The following DPP6 variants were observed in gnomAD, a reference collection of about 807,000 sequenced individuals.
DPP6 encodes A-type potassium channel modulatory protein DPP6.
A neutral mutation model predicts 122.6 loss-of-function variants in DPP6; 69 were observed. The observed-to-expected ratio is 0.56, with a 90% CI of 0.46 to 0.69. DPP6 has a LOEUF of 0.69. Ranked by LOEUF, DPP6 falls within the 30% of genes least tolerant of loss-of-function variation. The probability of loss-of-function intolerance (pLI) is 0.00; values close to 1 mark genes in which losing one functional copy is unlikely to be tolerated. For missense variants in DPP6, 928 were observed against 1,116.9 expected (o/e 0.83, Z 2.41); for synonymous variants, 418 against 433.1 (o/e 0.97, Z 0.43).
At chr7:153,964,844 CCTTTTCCTTTTCCCTTT>C in intron 1 of DPP6, among the ~76,000 whole-genome samples, 1 of 125,360 alleles carries the variant, frequency 8.0e-6, no homozygotes, top group African/African-American at 4.2e-5. Flanking sequence ...TTTTCCTTTT[CCTTTTCCTTTTCCCTTT>C]CCTTTCCTTT....
At chr7:153,874,742 C>T in the DPP6 span, among the ~76,000 whole-genome samples, 4 of 151,992 alleles carry the variant, frequency 2.6e-5, no homozygotes, top group African/African-American at 9.7e-5. Context: ...AGAATGGAAA[C>T]AAAATAAGAT....
At chr7:154,037,400 T>G (rs1370669212) in intron 1 of DPP6, among the ~76,000 whole-genome samples, 1 of 151,532 alleles carries the variant, frequency 6.6e-6, no homozygotes, top group Non-Finnish European at 1.5e-5. Flanking sequence ...GTCACATGTA[T>G]TTTTCAGGGG....
intron 1 of DPP6, among the ~76,000 whole-genome samples, chr7:154,437,105 T>C (rs1586267818): frequency 6.6e-6 from 1 of 152,176 alleles, no homozygotes; most frequent in South Asian, 2.1e-4. Context: ...CCTGTGACTA[T>C]GTTAGCTTCC....
intron 1 of DPP6, among the ~76,000 whole-genome samples, chr7:153,972,311 G>C (rs1313700079): frequency 6.6e-6 from 1 of 151,150 alleles, no homozygotes; most frequent in African/African-American, 2.4e-5. Context: ...CCTGGGGAGT[G>C]TCTAGGAAAA....
At chr7:154,220,067 C>T (rs369741438) in intron 1 of DPP6, among the ~76,000 whole-genome samples, 21 of 152,296 alleles carry the variant, frequency 1.4e-4, no homozygotes, top group Admixed American at 5.9e-4. Flanking sequence ...TTCCAAAATC[C>T]GGTTTGCTAG....
chr7:154,158,612 T>C (rs56731440), intron 1 of DPP6, among the ~76,000 whole-genome samples: 5,892 of 152,070 alleles, frequency 0.039, 444 homozygotes, highest in African/African-American at 0.13. Flanking sequence ...ATTCATTTAG[T>C]CTCTGTCTTT....
intron 22 of DPP6, among the ~76,000 whole-genome samples, chr7:154,887,364 G>T (rs1806233819): frequency 6.6e-6 from 1 of 152,194 alleles, no homozygotes; most frequent in Admixed American, 6.5e-5. Flanking sequence ...TGAAGGAGGA[G>T]GTTATCCTAC....
intron 7 of DPP6, among the ~76,000 whole-genome samples, chr7:154,711,095 A>T (rs1174971653): frequency 6.6e-6 from 1 of 152,256 alleles, no homozygotes; most frequent in Non-Finnish European, 1.5e-5. Context: ...TACTATGTGG[A>T]TATGTCCTTG....
intron 2 of DPP6, among the ~76,000 whole-genome samples, chr7:154,450,511 AC>A (rs774117798): frequency 3.9e-5 from 6 of 152,068 alleles, no homozygotes; most frequent in Non-Finnish European, 8.8e-5. Context: ...AAAGTGCCAG[AC>A]ATACTAAATT....
chr7:154,393,064 C>T (rs1468629596), intron 1 of DPP6, among the ~76,000 whole-genome samples: 1 of 152,180 alleles, frequency 6.6e-6, no homozygotes, highest in Non-Finnish European at 1.5e-5. Context: ...AAGTCTTAAA[C>T]TTTTTCTTCT....
chr7:154,605,091 A>G lies in DPP6; in HGVS notation c.628-32730A>G, dbSNP rs1363038084. Among the ~76,000 whole-genome samples the G allele has an allele frequency of 2.5e-5, 3 of 118,590 alleles. 1 individual carries two copies. The highest frequency in any genetic ancestry group is 8.0e-5 in the African/African-American group (3 of 37,372). 77.8% of individuals were successfully genotyped at this position (118,590 alleles called of 152,430 possible). On this transcript the variant is annotated intron_variant, in intron 5 of 25. Transcript: ENST00000377770. ...TGTTTTAATTTTCATATTTTGAATT[A>G]TAAATATGCACTGTGTTTTCAAAGA...
intron 1 of DPP6, among the ~76,000 whole-genome samples, chr7:154,317,352 A>AAAAT (rs1807524735): frequency 6.6e-6 from 1 of 152,214 alleles, no homozygotes; most frequent in African/African-American, 2.4e-5. Flanking sequence ...ACTCTGTCTC[A>AAAAT]AAATAAATAA....
At chr7:154,383,190 A>G (rs2151146719) in intron 1 of DPP6, among the ~76,000 whole-genome samples, 1 of 152,360 alleles carries the variant, frequency 6.6e-6, no homozygotes, top group South Asian at 2.1e-4. Flanking sequence ...CCCAGGGTGC[A>G]CAATCAGAAA....
intron 16 of DPP6, among the ~76,000 whole-genome samples, chr7:154,840,014 A>G (rs2150547672): frequency 6.6e-6 from 1 of 152,280 alleles, no homozygotes; most frequent in African/African-American, 2.4e-5. Context: ...ACTAATGAGG[A>G]ATCAAGGGTG....
At chr7:153,972,756 C>A (rs1796085473) in intron 1 of DPP6, among the ~76,000 whole-genome samples, 1 of 145,288 alleles carries the variant, frequency 6.9e-6, no homozygotes, top group African/African-American at 2.5e-5. Flanking sequence ...TAAATTGCAA[C>A]TTTTTTTTTT....
chr7:154,435,994 G>A (rs1818829065), intron 1 of DPP6, among the ~76,000 whole-genome samples: 1 of 151,816 alleles, frequency 6.6e-6, no homozygotes, highest in African/African-American at 2.4e-5. Flanking sequence ...CCTGATATTT[G>A]ACATATTTTA....
At chr7:154,023,842 C>T (rs1390873684) in intron 1 of DPP6, among the ~76,000 whole-genome samples, 1 of 151,920 alleles carries the variant, frequency 6.6e-6, no homozygotes, top group Non-Finnish European at 1.5e-5. Flanking sequence ...TCCAAAAATA[C>T]TTTGGAATGT....
chr7:154,888,432 C>T (rs530390443), intron 23 of DPP6, among the ~76,000 whole-genome samples: 6 of 152,272 alleles, frequency 3.9e-5, no homozygotes, highest in East Asian at 1.9e-4. Flanking sequence ...CTCTCTGATG[C>T]GACCTCCTGA....
intron 1 of DPP6, among the ~76,000 whole-genome samples, chr7:154,017,738 A>G (rs1468235702): frequency 6.7e-6 from 1 of 150,188 alleles, no homozygotes; most frequent in Non-Finnish European, 1.5e-5. Context: ...AAAAAAAAAA[A>G]AAAGAAAAAT....
Sources: gnomAD v4.1 joint callset for allele counts (sites outside exome capture counted in the v4.1 genomes callset) on GRCh38, gnomAD v4.1.1 for gene constraint, MANE v1.5 for transcripts, NCBI Gene and HGNC (gene_info 2026-07-23, HGNC 2026-07-21) for gene names.